CDH13: variants seen among roughly 807,000 people sequenced by gnomAD.
CDH13 encodes the protein cadherin 13, also known as cadherin-13.
CDH13 carries 24 observed loss-of-function variants against 63.8 expected under a neutral mutation model. That is an observed-to-expected ratio of 0.38 (90% CI 0.27 to 0.53). CDH13 has a LOEUF of 0.53. Ranked by LOEUF, CDH13 falls within the 20% of genes least tolerant of loss-of-function variation. The pLI is 0.85. For synonymous variants in CDH13, 503 were observed against 355.3 expected (o/e 1.42, Z -4.67); for missense variants, 1,049 against 903.1 (o/e 1.16, Z -2.07).
chr16:83,362,168 C>T (rs1473202525), intron 6 of CDH13, among the ~76,000 whole-genome samples: 3 of 152,152 alleles, frequency 2.0e-5, no homozygotes, highest in Non-Finnish European at 4.4e-5. Context: ...TGGTTTCTTC[C>T]AAAGTGTCAG....
intron 2 of CDH13, among the ~76,000 whole-genome samples, chr16:82,973,890 C>T (rs886614828): frequency 3.9e-5 from 6 of 152,062 alleles, no homozygotes; most frequent in Admixed American, 3.9e-4. Context: ...TACTCACACA[C>T]CTTATTTTTT....
chr16:82,627,516 G>C (rs988169512), intron 1 of CDH13, among the ~76,000 whole-genome samples: 1 of 152,156 alleles, frequency 6.6e-6, no homozygotes, highest in African/African-American at 2.4e-5. Context: ...GACTCAGTTA[G>C]AGGCGACTCC....
intron 7 of CDH13, among the ~76,000 whole-genome samples, chr16:83,549,889 G>A (rs2075458780): frequency 6.6e-6 from 1 of 152,180 alleles, no homozygotes; most frequent in Non-Finnish European, 1.5e-5. Context: ...GAGAGAGACA[G>A]AGAGGGGAAG....
intron 3 of CDH13, among the ~76,000 whole-genome samples, chr16:83,109,348 T>G (rs1425021020): frequency 6.6e-6 from 1 of 152,142 alleles, no homozygotes; most frequent in Non-Finnish European, 1.5e-5. Flanking sequence ...ACCCCTCAAC[T>G]GCTGAGAAAA....
chr16:82,738,119 T>C (rs574465932), intron 1 of CDH13, among the ~76,000 whole-genome samples: 1 of 152,218 alleles, frequency 6.6e-6, no homozygotes, highest in Non-Finnish European at 1.5e-5. Context: ...TTCGTTAGGT[T>C]TCATGACAGT....
intron 13 of CDH13, among the ~76,000 whole-genome samples, chr16:83,792,165 C>T (rs1013078682): frequency 2.0e-5 from 3 of 152,192 alleles, no homozygotes; most frequent in African/African-American, 7.2e-5. Context: ...GTAGAGTGGG[C>T]TGTCTTCGGC....
intron 1 of CDH13, among the ~76,000 whole-genome samples, chr16:82,827,903 G>C (rs2038331144): frequency 6.6e-6 from 1 of 152,138 alleles, no homozygotes; most frequent in Non-Finnish European, 1.5e-5. Context: ...CACTAATGGA[G>C]TTAGAATACT....
intron 5 of CDH13, among the ~76,000 whole-genome samples, chr16:83,286,793 T>C (rs1227221573): frequency 6.7e-6 from 1 of 149,844 alleles, no homozygotes. Context: ...TTTATATATA[T>C]ATACACACAC....
intron 6 of CDH13, among the ~76,000 whole-genome samples, chr16:83,457,139 C>G (rs950380688): frequency 3.3e-5 from 5 of 152,284 alleles, no homozygotes; most frequent in African/African-American, 7.2e-5. Flanking sequence ...CAAGCTCTGC[C>G]ACGTCCCTGG....
At chr16:82,906,532 A>G (rs1460555012) in intron 2 of CDH13, among the ~76,000 whole-genome samples, 3 of 152,206 alleles carry the variant, frequency 2.0e-5, no homozygotes, top group African/African-American at 7.2e-5. Context: ...ACTGTGACAA[A>G]GGCTGGTTTC....
At chr16:83,423,089 A>T (rs1228294273) in intron 6 of CDH13, among the ~76,000 whole-genome samples, 2 of 152,202 alleles carry the variant, frequency 1.3e-5, no homozygotes, top group East Asian at 1.9e-4. Flanking sequence ...TGTAACAGCA[A>T]ACTCACTGGA....
intron 6 of CDH13, among the ~76,000 whole-genome samples, chr16:83,382,283 C>A (rs570136509): frequency 2.0e-5 from 3 of 152,310 alleles, no homozygotes; most frequent in Middle Eastern, 3.4e-3. Context: ...TCATCTGCAT[C>A]TCCACCATTT....
chr16:83,195,917 G>C (rs959982933), intron 4 of CDH13, among the ~76,000 whole-genome samples: 2 of 152,118 alleles, frequency 1.3e-5, no homozygotes, highest in African/African-American at 4.8e-5. Flanking sequence ...ACATCTGAAG[G>C]CAAGAAATGA....
At chr16:83,620,420 A>G (rs889320957) in intron 8 of CDH13, among the ~76,000 whole-genome samples, 15 of 141,886 alleles carry the variant, frequency 1.1e-4, no homozygotes, top group Non-Finnish European at 2.2e-4. Context: ...AGATATAGGG[A>G]GGAACATTCC....
intron 3 of CDH13, among the ~76,000 whole-genome samples, 191 bp from the exon 4 acceptor site, chr16:83,125,194 T>C (rs1484763765): frequency 6.6e-6 from 1 of 152,192 alleles, no homozygotes; most frequent in South Asian, 2.1e-4. Context: ...ATGATAGTTA[T>C]AGTGAATAAC....
chr16:82,713,289 C>A (rs921374765), intron 1 of CDH13, among the ~76,000 whole-genome samples: 1 of 152,124 alleles, frequency 6.6e-6, no homozygotes. Context: ...AACATGCTCT[C>A]CAGGCAATTC....
At chr16:83,321,296 A>G (rs1162854749) in intron 5 of CDH13, among the ~76,000 whole-genome samples, 1 of 152,196 alleles carries the variant, frequency 6.6e-6, no homozygotes, top group Non-Finnish European at 1.5e-5. Flanking sequence ...AGAGCTGGAC[A>G]GAAAGCTCGT....
chr16:83,179,748 T>A (rs2038273607), intron 4 of CDH13, among the ~76,000 whole-genome samples: 1 of 152,180 alleles, frequency 6.6e-6, no homozygotes, highest in African/African-American at 2.4e-5. Flanking sequence ...CCCAGATTTC[T>A]GGAATTGCAG....
intron 7 of CDH13, among the ~76,000 whole-genome samples, chr16:83,492,121 T>C (rs2074027159): frequency 6.6e-6 from 1 of 152,150 alleles, no homozygotes; most frequent in Non-Finnish European, 1.5e-5. Context: ...GTTAAAATAT[T>C]GTCACGTAGC....
Sources: allele counts gnomAD v4.1 joint callset (sites outside exome capture counted in the v4.1 genomes callset), GRCh38; gene constraint gnomAD v4.1.1; transcripts MANE v1.5; gene names NCBI Gene and HGNC (gene_info 2026-07-23, HGNC 2026-07-21).